Variants in CMIP observed in about 807,000 individuals in gnomAD.
CMIP encodes c-Maf inducing protein, also known as C-Maf-inducing protein.
CMIP carries 13 observed loss-of-function variants against 97.3 expected under a neutral mutation model. That is an observed-to-expected ratio of 0.13 (90% confidence interval 0.09 to 0.21). The LOEUF (loss-of-function observed/expected upper bound fraction) is 0.21, where lower values mean the gene tolerates loss of function less well. Among genes scored for constraint, CMIP ranks in the 10% least tolerant of loss-of-function variants. The probability of loss-of-function intolerance (pLI) is 1.00; values close to 1 mark genes in which losing one functional copy is unlikely to be tolerated. For synonymous variants in CMIP, 538 were observed against 436.3 expected (o/e 1.23, Z -2.91); for missense variants, 847 against 1,024.9 (o/e 0.83, Z 2.37).
chr16:81,462,768 C>G (rs1197649849), intron 1 of CMIP, among the ~76,000 whole-genome samples: 1 of 152,136 alleles, frequency 6.6e-6, no homozygotes, highest in East Asian at 1.9e-4. Context: ...ATCACTGGAG[C>G]TGCGTTGTGA....
At chr16:81,451,210 G>A (rs1906189314) in intron 1 of CMIP, among the ~76,000 whole-genome samples, 1 of 152,112 alleles carries the variant, frequency 6.6e-6, no homozygotes, top group African/African-American at 2.4e-5. Context: ...TTGACTCATG[G>A]GGCGCTTTCC....
chr16:81,462,221 A>G (rs143440800), intron 1 of CMIP, among the ~76,000 whole-genome samples: 32 of 152,332 alleles, frequency 2.1e-4, no homozygotes, highest in Non-Finnish European at 4.1e-4. Flanking sequence ...ATGACAGACT[A>G]TTCCCTGCTG....
intron 6 of CMIP, 65 bp downstream of exon 6, chr16:81,661,011 G>A: frequency 6.2e-7 from 1 of 1,601,594 alleles, no homozygotes. Context: ...GCATACCAGG[G>A]ATTGGGTTTG....
intron 1 of CMIP, among the ~76,000 whole-genome samples, chr16:81,591,271 G>C (rs889187460): frequency 2.6e-5 from 4 of 152,160 alleles, no homozygotes; most frequent in Non-Finnish European, 5.9e-5. Flanking sequence ...CCCAGTATCT[G>C]GCACACATGA....
At chr16:81,690,779 A>G (rs899867724) in intron 10 of CMIP, among the ~76,000 whole-genome samples, 1 of 152,120 alleles carries the variant, frequency 6.6e-6, no homozygotes, top group Non-Finnish European at 1.5e-5. Flanking sequence ...ACAAAAAATT[A>G]GCTGGGCATA....
At chr16:81,522,582 A>G (rs141078822) in intron 1 of CMIP, among the ~76,000 whole-genome samples, 54 of 152,264 alleles carry the variant, frequency 3.5e-4, no homozygotes, top group Non-Finnish European at 6.6e-4. Flanking sequence ...TCAGTAGGAC[A>G]TGTGGCTTCA....
At chr16:81,545,513 C>G (rs756519598) in intron 1 of CMIP, among the ~76,000 whole-genome samples, 11 of 152,304 alleles carry the variant, frequency 7.2e-5, no homozygotes, top group Admixed American at 3.3e-4. Flanking sequence ...GCTCAGTGCT[C>G]TATGAATGGC....
At chr16:81,490,971 G>A (rs1408896761) in intron 1 of CMIP, among the ~76,000 whole-genome samples, 2 of 152,122 alleles carry the variant, frequency 1.3e-5, no homozygotes, top group Non-Finnish European at 2.9e-5. Flanking sequence ...GCTGTGTGGA[G>A]GCTCCAAGGG....
At chr16:81,497,126 C>T (rs1405546122) in intron 1 of CMIP, among the ~76,000 whole-genome samples, 2 of 152,312 alleles carry the variant, frequency 1.3e-5, no homozygotes, top group South Asian at 2.1e-4. Context: ...GGTGCCCATG[C>T]AACAGTCCAC....
chr16:81,560,168 G>GA (rs1300929032), intron 1 of CMIP, among the ~76,000 whole-genome samples: 1 of 142,412 alleles, frequency 7.0e-6, no homozygotes, highest in African/African-American at 2.6e-5. Context: ...AAAAGAAAAA[G>GA]AAAAAAAGTT....
At chr16:81,596,251 A>G (rs13330330) in intron 1 of CMIP, among the ~76,000 whole-genome samples, 12,083 of 152,142 alleles carry the variant, frequency 0.079, 1,074 homozygotes, top group African/African-American at 0.22. Context: ...CACGCCTGTA[A>G]TCCCAGCACT....
At position 81,678,283 on chromosome 16, in the gene CMIP, A is replaced by G; in HGVS notation, c.1043A>G (p.Asn348Ser). 6.3e-7 allele frequency: 1 copy of G among 1,594,184 alleles called. No homozygotes were observed. Among genetic ancestry groups the G allele is most frequent in the Non-Finnish European group, 8.5e-7 (1 of 1,170,470 alleles). ...CYEEFINSRD[N>S]SPSLKEIRNG... ...CCCGCCTCTTCCCCCAGCCGCGACA[A>G]TTCCCCAAGCCTGAAGGAAATCCGG... is the stretch of plus-strand genomic sequence containing the variant. The change falls in exon 10 of 21, where the codon AAT becomes AGT. Residue 348 changes from asparagine (N) to serine (S), a missense_variant. Transcript: ENST00000537098.
At chr16:81,525,167 G>A (rs567356926) in intron 1 of CMIP, among the ~76,000 whole-genome samples, 2 of 150,596 alleles carry the variant, frequency 1.3e-5, no homozygotes, top group East Asian at 2.0e-4. Flanking sequence ...TTCTTGAGAT[G>A]GAGTCTTGCT....
chr16:81,512,388 G>A (rs1467025779), intron 1 of CMIP, among the ~76,000 whole-genome samples: 1 of 152,164 alleles, frequency 6.6e-6, no homozygotes, highest in East Asian at 1.9e-4. Context: ...TCCTGCTCAT[G>A]TTCCAGTGGG....
At chr16:81,636,081 G>A (rs371101684) in intron 3 of CMIP, among the ~76,000 whole-genome samples, 1 of 69,524 alleles carries the variant, frequency 1.4e-5, no homozygotes, top group African/African-American at 3.1e-5. Context: ...GTGTGTTTGT[G>A]TGTGTGAGTG....
chr16:81,652,053 TG>T lies in CMIP; in HGVS notation c.478-149del, dbSNP rs2092434371. ...GGATGAGACCCTTCCTCTCTCGGGG[TG>T]TCAGTTTCCTTATAAACGGGGACTG... On this transcript the variant is annotated intron_variant, in intron 3 of 20. Coordinates refer to ENST00000537098, the MANE Select transcript of CMIP (RefSeq NM_198390.3). The surrounding 1 kb of genome is among the most constrained non-coding windows in gnomAD (Gnocchi z 5.2). The T allele has an allele frequency of 1.6e-6, 1 of 617,102 alleles. No individual in the cohort carries two copies. Among genetic ancestry groups the T allele is most frequent in the East Asian group, 2.8e-5 (1 of 35,820 alleles). The allele number at this position is 617,102 out of a possible 1,614,324, so 38.2% of individuals were successfully genotyped here.
intron 4 of CMIP, among the ~76,000 whole-genome samples, chr16:81,653,450 G>A (rs531369908): frequency 1.3e-5 from 2 of 152,402 alleles, no homozygotes; most frequent in East Asian, 3.9e-4. Flanking sequence ...ACAGTCTCAG[G>A]CAGAGGGACA....
intron 1 of CMIP, among the ~76,000 whole-genome samples, chr16:81,555,561 G>C (rs1400736872): frequency 6.6e-6 from 1 of 152,206 alleles, no homozygotes. Context: ...TCCGCTCCCT[G>C]TCCAAGAGGG....
In CMIP at chr16:81,592,024, A is replaced by G. The variant is rs139204747; in HGVS notation, c.301-15543A>G. ...TTTTTAGTAGAGACAGGGTTTTGCTATGTTGCCCTGGCTGGTCTCAAACTC... is the reference window on the plus strand; with the variant it reads ...TTTTTAGTAGAGACAGGGTTTTGCTGTGTTGCCCTGGCTGGTCTCAAACTC... On this transcript the variant is annotated intron_variant, in intron 1 of 20. Coordinates refer to ENST00000537098, the MANE Select transcript of CMIP (RefSeq NM_198390.3). Among the ~76,000 whole-genome samples, 8 of 151,528 alleles carry G rather than the reference A, an allele frequency of 5.3e-5. No individual in the cohort carries two copies. The East Asian group carries it at 1.6e-3, about 30-fold the overall frequency.
Sources: gnomAD v4.1 joint callset for allele counts (sites outside exome capture counted in the v4.1 genomes callset) on GRCh38, gnomAD v4.1.1 for gene constraint, Gnocchi (gnomAD v3.1) non-coding constraint, MANE v1.5 for transcripts, NCBI Gene and HGNC (gene_info 2026-07-23, HGNC 2026-07-21) for gene names.